Variants in NEBL observed in about 807,000 individuals in gnomAD.
NEBL encodes the protein LIM and SH3 protein 2.
NEBL carries 122 observed loss-of-function variants against 140.2 expected under a neutral mutation model. That is an observed-to-expected ratio of 0.87 (90% CI 0.75 to 1.01). The LOEUF (loss-of-function observed/expected upper bound fraction) is 1.01, where lower values mean the gene tolerates loss of function less well. NEBL is among the 50% of genes least tolerant of loss of function. The probability of loss-of-function intolerance (pLI) is 0.00; values close to 1 mark genes in which losing one functional copy is unlikely to be tolerated. For missense variants in NEBL, 1,365 were observed against 1,231.3 expected, an observed-to-expected ratio of 1.11 and a Z score of -1.62; for synonymous variants, 436 against 398.9, an observed-to-expected ratio of 1.09 and a Z score of -1.11.
intron 4 of NEBL, among the ~76,000 whole-genome samples, chr10:20,914,969 A>ATGTTTTTTTTTTTTTT (rs1848480142): frequency 9.0e-6 from 1 of 111,244 alleles, no homozygotes. Context: ...AGTGGCTGGG[A>ATGTTTTTTTTTTTTTT]TTTTTTTTTT....
intron 2 of NEBL, among the ~76,000 whole-genome samples, chr10:21,062,934 C>A (rs968377281): frequency 6.6e-6 from 1 of 152,014 alleles, no homozygotes; most frequent in African/African-American, 2.4e-5. Flanking sequence ...ACACGAGCGG[C>A]CAAGCTGTGG....
chr10:20,808,736 C>T, intron 25 of NEBL, 77 bp from the exon 26 acceptor site: 5 of 1,452,876 alleles, frequency 3.4e-6, no homozygotes, highest in Non-Finnish European at 4.8e-6. Flanking sequence ...TACTTAAAAG[C>T]TTAACAGAGA....
chr10:21,091,214 C>T (rs1564507969), intron 2 of NEBL, among the ~76,000 whole-genome samples: 1 of 152,184 alleles, frequency 6.6e-6, no homozygotes, highest in South Asian at 2.1e-4. Flanking sequence ...GCTAAGAAGA[C>T]TTTAAATGTC....
intron 1 of NEBL, among the ~76,000 whole-genome samples, chr10:21,264,878 C>T (rs1842780656): frequency 6.6e-6 from 1 of 151,858 alleles, no homozygotes; most frequent in African/African-American, 2.4e-5. Context: ...CTTCTTGCTG[C>T]ATCCTCACGT....
chr10:20,867,611 T>C (rs1844430823), intron 7 of NEBL: 1 of 152,156 alleles, frequency 6.6e-6, no homozygotes, highest in African/African-American at 2.4e-5. Context: ...TTATGTAGTA[T>C]ATAGAGTCTC....
At chr10:21,249,892 C>T (rs12763556) in intron 2 of NEBL, among the ~76,000 whole-genome samples, 28,336 of 151,762 alleles carry the variant, frequency 0.19, 3,003 homozygotes, top group African/African-American at 0.27. Context: ...GGCAAAATCC[C>T]GTCTCTAATA....
intron 3 of NEBL, among the ~76,000 whole-genome samples, chr10:21,003,300 TG>T (rs1049804268): frequency 3.9e-5 from 6 of 152,156 alleles, no homozygotes; most frequent in African/African-American, 9.7e-5. Flanking sequence ...CTGACACCTT[TG>T]GAGGGAAACA....
rs185644417 is a variant in NEBL, at chr10:21,224,228, A to T, written n.348+23693T>A. On this transcript the variant is annotated intron_variant and non_coding_transcript_variant, in intron 3 of 8. Transcript: ENST00000675702. ...TAGGGGTCTAGTTTCATTCTTCTACATATGGACATCTAGTTTTCCTAGCAC... is the reference window on the plus strand; with the variant it reads ...TAGGGGTCTAGTTTCATTCTTCTACTTATGGACATCTAGTTTTCCTAGCAC... Among the ~76,000 whole-genome samples, 192 of 152,314 alleles carry T rather than the reference A, an allele frequency of 1.3e-3. 3 individuals carry two copies. The highest frequency in any genetic ancestry group is 3.4e-4 in the Non-Finnish European group (23 of 68,024).
At chr10:20,984,462 AT>A (rs1437868953) in intron 3 of NEBL, among the ~76,000 whole-genome samples, 1 of 152,074 alleles carries the variant, frequency 6.6e-6, no homozygotes, top group Non-Finnish European at 1.5e-5. Context: ...ATTGGTGAAA[AT>A]TTTCAGTCTG....
At chr10:20,848,671 C>CT (rs1428568331) in intron 11 of NEBL, among the ~76,000 whole-genome samples, 1 of 152,142 alleles carries the variant, frequency 6.6e-6, no homozygotes, top group African/African-American at 2.4e-5. Flanking sequence ...GAGAATCTAA[C>CT]TAAAGCCTGA....
intron 20 of NEBL, chr10:20,818,817 G>C (rs896063910): frequency 6.1e-6 from 6 of 988,786 alleles, no homozygotes; most frequent in Non-Finnish European, 6.0e-6. Context: ...CAAATTTCCT[G>C]GACACGCAGT....
chr10:20,916,463 G>C (rs1180371819), intron 4 of NEBL, among the ~76,000 whole-genome samples: 1 of 152,192 alleles, frequency 6.6e-6, no homozygotes, highest in Admixed American at 6.5e-5. Flanking sequence ...TGCAGGTGCA[G>C]TGGCACGATC....
At chr10:21,048,936 G>C (rs112244109) in intron 2 of NEBL, among the ~76,000 whole-genome samples, 8,586 of 152,220 alleles carry the variant, frequency 0.056, 803 homozygotes, top group African/African-American at 0.19. Context: ...CTTGAACCCG[G>C]GAGGTGGAGG....
chr10:20,815,678 T>C lies in NEBL; in HGVS notation c.2188A>G (p.Ser730Gly). ...ACTCTTTCCATTTCAGGAGTTACAC[T>C]TAAAGTGGTAGCTCTTCCCAGCTGA... is the stretch of plus-strand genomic sequence containing the variant. Reference protein sequence around the residue: ...RGQLGRATTLSVTPEMERVKK... With the variant: ...RGQLGRATTLGVTPEMERVKK... Residue 730 changes from serine (S) to glycine (G), a missense_variant, in exon 22 of 28, where the codon AGT becomes GGT. Physicochemically the swap from Ser to Gly is moderately conservative, Grantham distance 56. This residue lies in a region of NEBL where 1,323 missense variants were observed against 1,154.8 expected (regional missense o/e 1.15). Transcript: ENST00000377122. The C allele has an allele frequency of 6.2e-7, 1 of 1,612,822 alleles. No individual in the cohort carries two copies. The highest frequency in any genetic ancestry group is 8.5e-7 in the Non-Finnish European group (1 of 1,178,912).
intron 2 of NEBL, among the ~76,000 whole-genome samples, chr10:21,056,124 C>A (rs1031929467): frequency 2.6e-5 from 4 of 152,200 alleles, no homozygotes; most frequent in African/African-American, 9.6e-5. Flanking sequence ...GTCTCTGCAT[C>A]ATGATGTAGG....
At chr10:21,201,849 C>T (rs1437348406) in intron 3 of NEBL, among the ~76,000 whole-genome samples, 1 of 152,090 alleles carries the variant, frequency 6.6e-6, no homozygotes, top group African/African-American at 2.4e-5. Context: ...TCACAAATTG[C>T]TATTCGTAAT....
intron 18 of NEBL, among the ~76,000 whole-genome samples, chr10:20,825,947 A>T (rs1839807586): frequency 6.6e-6 from 1 of 152,186 alleles, no homozygotes; most frequent in Non-Finnish European, 1.5e-5. Flanking sequence ...TGGAAAGAAG[A>T]AATGGGCAGA....
chr10:21,225,508 T>C (rs1462568745), intron 3 of NEBL, among the ~76,000 whole-genome samples: 1 of 152,198 alleles, frequency 6.6e-6, no homozygotes, highest in Non-Finnish European at 1.5e-5. Context: ...GGTCCAGAGA[T>C]GCCATCTGGG....
chr10:20,835,435 A>G (rs1840777068), intron 14 of NEBL, 78 bp downstream of exon 14: 5 of 1,033,376 alleles, frequency 4.8e-6, no homozygotes, highest in Non-Finnish European at 6.1e-6. Flanking sequence ...GAAATTCCAT[A>G]TAGTAATCAA....
Sources: gnomAD v4.1 joint callset for allele counts (sites outside exome capture counted in the v4.1 genomes callset) on GRCh38, gnomAD v4.1.1 for gene constraint, gnomAD v4.1.1 regional missense constraint, MANE v1.5 for transcripts, NCBI Gene and HGNC (gene_info 2026-07-23, HGNC 2026-07-21) for gene names.